The following STX5 variants were observed in gnomAD, a reference collection of about 807,000 sequenced individuals.
The protein encoded by STX5 is syntaxin 5.
STX5 carries 15 observed loss-of-function variants against 42.9 expected under a neutral mutation model. The ratio of observed to expected loss-of-function variants is 0.35; its 90% CI spans 0.23 to 0.54. STX5 has a LOEUF of 0.54. Among genes scored for constraint, STX5 ranks in the 20% least tolerant of loss-of-function variants. The pLI is 0.91. For synonymous variants in STX5, 184 were observed against 173.2 expected, an observed-to-expected ratio of 1.06 and a Z score of -0.49; for missense variants, 430 against 455.0, an observed-to-expected ratio of 0.95 and a Z score of 0.50.
chr11:62,829,550 G>A (rs745484635), intron 2 of STX5, among the ~76,000 whole-genome samples: 1 of 151,958 alleles, frequency 6.6e-6, no homozygotes, highest in Non-Finnish European at 1.5e-5. Context: ...GATCACTTGA[G>A]CCCAGAAGTT....
chr11:62,818,369 C>A (rs920259170), intron 10 of STX5, among the ~76,000 whole-genome samples: 1 of 150,942 alleles, frequency 6.6e-6, no homozygotes, highest in Non-Finnish European at 1.5e-5. Context: ...CCAGCCTGGC[C>A]AACATAGTGA....
At chr11:62,820,379 A>AG (rs1387101125) in intron 10 of STX5, among the ~76,000 whole-genome samples, 1 of 151,578 alleles carries the variant, frequency 6.6e-6, no homozygotes, top group East Asian at 2.0e-4. Flanking sequence ...AAAAAAAAAA[A>AG]AGGGCGGAAT....
chr11:62,817,265 C>G (rs2084684199), intron 10 of STX5, among the ~76,000 whole-genome samples: 1 of 152,160 alleles, frequency 6.6e-6, no homozygotes, highest in Admixed American at 6.6e-5. Flanking sequence ...CGAGCTTTTG[C>G]TTCCATCCCT....
intron 10 of STX5, among the ~76,000 whole-genome samples, chr11:62,815,505 C>G (rs1337651924): frequency 6.6e-6 from 1 of 150,406 alleles, no homozygotes; most frequent in Non-Finnish European, 1.5e-5. Context: ...TAGGAAATCG[C>G]TAATTTTCAT....
chr11:62,827,609 G>A lies in STX5; in HGVS notation c.248C>T (p.Pro83Leu). Residue 83 changes from proline to leucine, a missense_variant, in exon 3 of 11, where the codon CCA becomes CTA. By Grantham distance (98) the Pro-to-Leu change is moderately conservative (BLOSUM62 -3). Transcript: ENST00000294179. ...TRQNGIQTNK[P>L]ALRAVRQRSE... is the part of the protein sequence containing the mutation. ...GCGTTGTCGGACAGCACGCAAAGCT[G>A]GCTTATTTGTCTGGATTCCATTCTG... is the stretch of plus-strand genomic sequence containing the variant. 1 of 1,614,184 alleles carries A rather than the reference G, an allele frequency of 6.2e-7. No individual in the cohort carries two copies. Among genetic ancestry groups the A allele is most frequent in the East Asian group, 2.2e-5 (1 of 44,882 alleles).
chr11:62,818,245 CAAAAA>C (rs71056566), intron 10 of STX5, among the ~76,000 whole-genome samples: 1 of 74,930 alleles, frequency 1.3e-5, no homozygotes. Context: ...AACTCCATCT[CAAAAA>C]AAAAAAAAAA....
At chr11:62,813,867 C>T (rs1387711186) in intron 10 of STX5, among the ~76,000 whole-genome samples, 1 of 152,174 alleles carries the variant, frequency 6.6e-6, no homozygotes, top group Non-Finnish European at 1.5e-5. Context: ...CCTCTTAGAG[C>T]CAAGCCTTGA....
intron 10 of STX5, among the ~76,000 whole-genome samples, chr11:62,822,673 ATCTT>A (rs2084752458): frequency 7.3e-6 from 1 of 136,214 alleles, no homozygotes; most frequent in Non-Finnish European, 1.6e-5. Flanking sequence ...TGTGTTGACT[ATCTT>A]TTTTTTTTTT....
At chr11:62,825,643 T>A in intron 5 of STX5, 104 bp from the exon 6 acceptor site, 1 of 1,017,612 alleles carries the variant, frequency 9.8e-7, no homozygotes, top group Non-Finnish European at 1.5e-6. Flanking sequence ...TGGAAGTTAC[T>A]AGCCAGAGTG....
intron 1 of STX5, 145 bp downstream of exon 1, chr11:62,831,809 G>A (rs982424790): frequency 2.3e-6 from 1 of 427,806 alleles, no homozygotes; most frequent in South Asian, 1.7e-5. Flanking sequence ...TGATTGGACG[G>A]CAAGGAATTC....
rs138851108 is a variant in STX5 at position 62,830,550 on chromosome 11, A to T, written c.225+469T>A. ...TGACAGAGTTGAAAAACAGATCTCA[A>T]AACAAAACAAAAACAACAAATTACT... On this transcript the variant is annotated intron_variant, in intron 2 of 10. Coordinates refer to ENST00000294179, the MANE Select transcript of STX5 (RefSeq NM_003164.5). The T allele has an allele frequency of 2.0e-5, 9 of 457,406 alleles. No individual in the cohort carries two copies. In the East Asian group the frequency reaches 6.2e-4, roughly 32 times the overall value. The allele number at this position is 457,406 out of a possible 1,614,324, so 28.3% of individuals were successfully genotyped here.
chr11:62,822,675 C>CTT lies in STX5; in HGVS notation c.908+1489_908+1490dup, dbSNP rs56767185. 3.2e-4 allele frequency among the ~76,000 whole-genome samples: 42 copies of CTT among 129,986 alleles called. 1 individual carries two copies. Among genetic ancestry groups the CTT allele is most frequent in the African/African-American group, 7.4e-4 (26 of 35,358 alleles). The allele number at this position is 129,986 out of a possible 152,430, so 85.3% of individuals were successfully genotyped here. A position where few individuals can be genotyped will look rare whatever the true frequency, so the allele number is the denominator to read the frequency against. On this transcript the variant is annotated intron_variant, in intron 10 of 10. Transcript: ENST00000294179. ...GATTAGTTTATCCTGTGTTGACTATCTTTTTTTTTTTTTTTGGCATTTACG... is the reference window on the plus strand; with the variant it reads ...GATTAGTTTATCCTGTGTTGACTATCTTTTTTTTTTTTTTTTTGGCATTTACG...
At chr11:62,808,388 C>CCA (rs1220896791) in intron 10 of STX5, among the ~76,000 whole-genome samples, 1 of 150,980 alleles carries the variant, frequency 6.6e-6, no homozygotes, top group East Asian at 1.9e-4. Context: ...TGAGATTGTG[C>CCA]CACTGCACTC....
intron 5 of STX5, among the ~76,000 whole-genome samples, chr11:62,826,116 T>C (rs1237078763): frequency 3.9e-5 from 6 of 152,016 alleles, no homozygotes; most frequent in Admixed American, 3.3e-4. Context: ...TAGCTGGGTG[T>C]GGTGGCGCGC....
intron 9 of STX5, 68 bp from the exon 10 acceptor site, chr11:62,824,355 C>T (rs894825830): frequency 3.7e-5 from 60 of 1,612,568 alleles, no homozygotes; most frequent in Non-Finnish European, 4.9e-5. Context: ...ATTTTTACAA[C>T]CCTCCCAGCT....
intron 10 of STX5, among the ~76,000 whole-genome samples, chr11:62,811,327 GCA>G (rs1306026919): frequency 6.6e-6 from 1 of 152,100 alleles, no homozygotes; most frequent in African/African-American, 2.4e-5. Context: ...GAGGCACTCA[GCA>G]CACCCAGAAC....
intron 10 of STX5, among the ~76,000 whole-genome samples, chr11:62,821,009 C>T (rs1486207319): frequency 6.6e-6 from 1 of 151,914 alleles, no homozygotes; most frequent in Non-Finnish European, 1.5e-5. Context: ...CAGCCTACTT[C>T]ATAAAAACTG....
intron 2 of STX5, among the ~76,000 whole-genome samples, chr11:62,830,112 G>A (rs904921493): frequency 2.1e-5 from 3 of 146,282 alleles, no homozygotes; most frequent in Non-Finnish European, 3.0e-5. Context: ...ACTGGGCCTC[G>A]CTCAGCCTTC....
rs964947473 is a variant in STX5 at position 62,807,336 on chromosome 11, G to C, written c.*133C>G. ...CAAGGGGTGGGGGATCAGGGGCAGT[G>C]GTCATTCTTAGCAGTTCCAGGGAAA... On this transcript the variant is annotated 3_prime_UTR_variant, in exon 11 of 11. Coordinates refer to ENST00000294179, the MANE Select transcript of STX5 (RefSeq NM_003164.5). The C allele has an allele frequency of 3.6e-5, 50 of 1,381,010 alleles. No individual in the cohort carries two copies. Among genetic ancestry groups the C allele is most frequent in the Non-Finnish European group, 4.6e-5 (48 of 1,036,238 alleles). The allele number at this position is 1,381,010 out of a possible 1,614,324, so 85.5% of individuals were successfully genotyped here.
Sources: allele counts gnomAD v4.1 joint callset (sites outside exome capture counted in the v4.1 genomes callset), GRCh38; gene constraint gnomAD v4.1.1; transcripts MANE v1.5; gene names NCBI Gene and HGNC (gene_info 2026-07-23, HGNC 2026-07-21).